NLGN1: variants seen among roughly 807,000 people sequenced by gnomAD.
NLGN1 encodes the protein neuroligin 1, also known as neuroligin-1.
In NLGN1, 12 loss-of-function variants were observed where a neutral mutation model predicts 65.5. That is an observed-to-expected ratio of 0.18 (90% CI 0.12 to 0.30). The LOEUF (loss-of-function observed/expected upper bound fraction) is 0.30, where lower values mean the gene tolerates loss of function less well. Ranked by LOEUF, NLGN1 falls within the 10% of genes least tolerant of loss-of-function variation. The probability of loss-of-function intolerance (pLI) is 1.00; values close to 1 mark genes in which losing one functional copy is unlikely to be tolerated. For synonymous variants in NLGN1, 350 were observed against 359.5 expected (o/e 0.97, Z 0.30); for missense variants, 750 against 1,007.1 (o/e 0.74, Z 3.46).
At chr3:173,488,898 CT>C (rs766329228) in intron 2 of NLGN1, among the ~76,000 whole-genome samples, 2 of 148,604 alleles carry the variant, frequency 1.3e-5, no homozygotes, top group Non-Finnish European at 3.0e-5. Flanking sequence ...GATCCTTCAG[CT>C]TTCTTTTTTT....
intron 2 of NLGN1, among the ~76,000 whole-genome samples, chr3:173,539,752 A>ATATACATATATGTACATATGC (rs1560407260): frequency 8.8e-6 from 1 of 114,222 alleles, no homozygotes; most frequent in Non-Finnish European, 1.8e-5. Flanking sequence ...GTACATATAT[A>ATATACATATATGTACATATGC]ACATATACAT....
chr3:174,086,122 C>T, intron 4 of NLGN1, among the ~76,000 whole-genome samples: 1 of 150,856 alleles, frequency 6.6e-6, no homozygotes. Context: ...AATATTTTAC[C>T]AACTTTCTAC....
chr3:173,779,160 A>T (rs1280899939), intron 3 of NLGN1, among the ~76,000 whole-genome samples: 1 of 151,890 alleles, frequency 6.6e-6, no homozygotes, highest in South Asian at 2.1e-4. Context: ...AAGCTAAACA[A>T]ACTTGAGATT....
At chr3:174,289,327 A>G (rs1255785803), downstream of NLGN1, among the ~76,000 whole-genome samples, 1 of 151,396 alleles carries the variant, frequency 6.6e-6, no homozygotes, top group Non-Finnish European at 1.5e-5. Context: ...AGCATCTATT[A>G]TATATGAGTT....
intron 3 of NLGN1, among the ~76,000 whole-genome samples, chr3:173,608,512 A>C (rs1178318959): frequency 2.6e-5 from 4 of 151,814 alleles, no homozygotes; most frequent in Middle Eastern, 6.8e-3. Flanking sequence ...CATTAGGAGA[A>C]AAGTATATTA....
intron 3 of NLGN1, among the ~76,000 whole-genome samples, chr3:173,627,582 G>T (rs1370537242): frequency 6.6e-6 from 1 of 151,892 alleles, no homozygotes; most frequent in Non-Finnish European, 1.5e-5. Context: ...TAGATCATAT[G>T]GTAGTTTTAT....
chr3:173,569,411 A>T (rs201060966), intron 2 of NLGN1, among the ~76,000 whole-genome samples: 1 of 152,018 alleles, frequency 6.6e-6, no homozygotes, highest in African/African-American at 2.4e-5. Flanking sequence ...TAATTTTTTT[A>T]AAATTTTAAC....
At chr3:173,642,694 G>T (rs1757607354) in intron 3 of NLGN1, among the ~76,000 whole-genome samples, 1 of 152,128 alleles carries the variant, frequency 6.6e-6, no homozygotes, top group South Asian at 2.1e-4. Context: ...AAAAGGCTTT[G>T]CAAACTGTTG....
At chr3:174,263,190 C>G (rs976144913) in intron 4 of NLGN1, among the ~76,000 whole-genome samples, 4 of 150,918 alleles carry the variant, frequency 2.7e-5, no homozygotes, top group Non-Finnish European at 5.9e-5. Context: ...CTGTAGATAT[C>G]TATTAGGTCC....
chr3:173,851,879 TAA>T (rs1482968371), intron 4 of NLGN1, among the ~76,000 whole-genome samples: 5 of 152,194 alleles, frequency 3.3e-5, no homozygotes, highest in Non-Finnish European at 7.4e-5. Flanking sequence ...TCTTATATTC[TAA>T]GAGTCTTATT....
chr3:174,124,246 C>T (rs373941038), intron 4 of NLGN1, among the ~76,000 whole-genome samples: 1 of 152,186 alleles, frequency 6.6e-6, no homozygotes, highest in African/African-American at 2.4e-5. Flanking sequence ...GCTATGACAG[C>T]TCAAGCTGAC....
intron 4 of NLGN1, among the ~76,000 whole-genome samples, chr3:174,122,132 A>G (rs1717904296): frequency 6.6e-6 from 1 of 152,182 alleles, no homozygotes; most frequent in African/African-American, 2.4e-5. Flanking sequence ...GTTTTTATAA[A>G]AATAGATAAT....
intron 4 of NLGN1, among the ~76,000 whole-genome samples, chr3:174,000,035 A>T (rs1397040640): frequency 5.3e-5 from 8 of 152,118 alleles, no homozygotes; most frequent in African/African-American, 1.9e-4. Flanking sequence ...ATAAGGAGTT[A>T]CGTGGTGGAT....
At chr3:173,861,592 ATGTG>A (rs1424906175) in intron 4 of NLGN1, among the ~76,000 whole-genome samples, 7 of 149,938 alleles carry the variant, frequency 4.7e-5, no homozygotes, top group Non-Finnish European at 1.0e-4. Context: ...ACACACATAT[ATGTG>A]TGTATGTATA....
chr3:173,779,621 C>T (rs1780831479), intron 3 of NLGN1, among the ~76,000 whole-genome samples: 1 of 152,030 alleles, frequency 6.6e-6, no homozygotes, highest in Non-Finnish European at 1.5e-5. Context: ...GGACAAGCAT[C>T]AAATCAACTG....
chr3:173,726,425 C>A (rs1444929754), intron 3 of NLGN1, among the ~76,000 whole-genome samples: 2 of 151,908 alleles, frequency 1.3e-5, no homozygotes, highest in East Asian at 3.9e-4. Context: ...AGTATCTTTC[C>A]ATCATCTTTT....
At chr3:173,480,012 G>A (rs1376979185) in intron 2 of NLGN1, among the ~76,000 whole-genome samples, 1 of 152,120 alleles carries the variant, frequency 6.6e-6, no homozygotes, top group Non-Finnish European at 1.5e-5. Context: ...GCCTGAATAT[G>A]TAAAGAGATG....
At chr3:173,574,439 AT>A (rs1212552131) in intron 2 of NLGN1, among the ~76,000 whole-genome samples, 7 of 152,008 alleles carry the variant, frequency 4.6e-5, no homozygotes, top group African/African-American at 1.7e-4. Context: ...TTAAAATTCA[AT>A]TTAAAATTTT....
intron 4 of NLGN1, among the ~76,000 whole-genome samples, chr3:174,234,020 A>G (rs1741203703): frequency 6.6e-6 from 1 of 151,888 alleles, no homozygotes; most frequent in African/African-American, 2.4e-5. Context: ...AGCTCTTTCC[A>G]TTAACCTATT....
Sources: allele counts gnomAD v4.1 joint callset (sites outside exome capture counted in the v4.1 genomes callset), GRCh38; gene constraint gnomAD v4.1.1; transcripts MANE v1.5; gene names NCBI Gene and HGNC (gene_info 2026-07-23, HGNC 2026-07-21).